KDM4C: variants seen among roughly 807,000 people sequenced by gnomAD.
KDM4C encodes lysine demethylase 4C, also known as lysine-specific demethylase 4C.
KDM4C carries 81 observed loss-of-function variants against 129.3 expected under a neutral mutation model. That is an observed-to-expected ratio of 0.63 (90% CI 0.52 to 0.75). The LOEUF is 0.75. KDM4C is among the 30% of genes least tolerant of loss of function. The pLI is 0.00. For synonymous variants in KDM4C, 573 were observed against 456.1 expected (o/e 1.26, Z -3.26); for missense variants, 1,457 against 1,304.0 (o/e 1.12, Z -1.81).
Position 6,740,450 on chromosome 9 carries a change from A to G in KDM4C, c.49+19453A>G, listed in dbSNP as rs571252047. Reference sequence around the variant, plus strand: ...GATCTCCTGACCTTGTGATCCGCCCACCTCGGCCTCCCAAAGTGCTGGGAT... The same window carrying G: ...GATCTCCTGACCTTGTGATCCGCCCGCCTCGGCCTCCCAAAGTGCTGGGAT... On this transcript the variant is annotated intron_variant, in intron 1 of 17. Coordinates refer to the KDM4C transcript ENST00000536108. Among the ~76,000 whole-genome samples, 122 of 148,478 alleles carry G rather than the reference A, an allele frequency of 8.2e-4. No individual in the cohort carries two copies. In the East Asian group the frequency reaches 0.011, roughly 13 times the overall value.
At chr9:7,160,326 A>ATTCTG (rs1656300443) in intron 19 of KDM4C, among the ~76,000 whole-genome samples, 1 of 152,106 alleles carries the variant, frequency 6.6e-6, no homozygotes, top group South Asian at 2.1e-4. Context: ...TCTGAAGCCT[A>ATTCTG]TTCTGTCAAC....
chr9:6,841,465 G>C (rs1836893225), intron 4 of KDM4C, among the ~76,000 whole-genome samples: 1 of 152,158 alleles, frequency 6.6e-6, no homozygotes, highest in South Asian at 2.1e-4. Flanking sequence ...GGTTCATATA[G>C]ACTTTTCCTC....
chr9:6,771,693 A>G (rs1044245456), intron 1 of KDM4C, among the ~76,000 whole-genome samples: 3 of 152,192 alleles, frequency 2.0e-5, no homozygotes, highest in African/African-American at 7.2e-5. Flanking sequence ...TCCTTCTGAT[A>G]GGACTAAATA....
At chr9:6,746,937 C>G (rs1301989219) in intron 1 of KDM4C, among the ~76,000 whole-genome samples, 1 of 126,284 alleles carries the variant, frequency 7.9e-6, no homozygotes, top group Non-Finnish European at 1.6e-5. Context: ...ATCCGGGAGG[C>G]GGAGCTTGCA....
At chr9:7,105,597 T>A in intron 18 of KDM4C, 1 of 390,804 alleles carries the variant, frequency 2.6e-6, no homozygotes. Flanking sequence ...TGGCAGGTGC[T>A]GGAATGTAAA....
intron 1 of KDM4C, among the ~76,000 whole-genome samples, chr9:6,773,903 G>T (rs1822439504): frequency 6.6e-6 from 1 of 151,928 alleles, no homozygotes. Context: ...CAAACCCTAG[G>T]CATTTATTTT....
intron 4 of KDM4C, among the ~76,000 whole-genome samples, chr9:6,832,134 C>G (rs62533755): frequency 6.6e-6 from 1 of 151,542 alleles, no homozygotes; most frequent in Non-Finnish European, 1.5e-5. Flanking sequence ...GTCAGGAGAT[C>G]GAGAGCATCC....
At chr9:7,046,288 G>A (rs1829379544) in intron 15 of KDM4C, among the ~76,000 whole-genome samples, 1 of 151,934 alleles carries the variant, frequency 6.6e-6, no homozygotes, top group African/African-American at 2.4e-5. Context: ...TGTTTTCTCG[G>A]GCCGGATAGC....
chr9:7,088,185 G>A (rs1355481532), intron 17 of KDM4C, among the ~76,000 whole-genome samples: 2 of 152,210 alleles, frequency 1.3e-5, no homozygotes, highest in African/African-American at 2.4e-5. Context: ...CAGGCCTGGA[G>A]GCCCTGCTTT....
intron 17 of KDM4C, among the ~76,000 whole-genome samples, chr9:7,086,813 C>T (rs371978992): frequency 2.0e-5 from 3 of 152,214 alleles, no homozygotes; most frequent in African/African-American, 7.2e-5. Context: ...TATCCCAACT[C>T]TCAAACATAC....
At chr9:6,766,396 T>A (rs1442556898) in intron 1 of KDM4C, among the ~76,000 whole-genome samples, 1 of 152,060 alleles carries the variant, frequency 6.6e-6, no homozygotes, top group Non-Finnish European at 1.5e-5. Flanking sequence ...GATTTGCTGT[T>A]TACTGGGAAG....
At chr9:6,974,856 A>G (rs1166512474) in intron 8 of KDM4C, 1 of 152,214 alleles carries the variant, frequency 6.6e-6, no homozygotes, top group Non-Finnish European at 1.5e-5. Context: ...GTTCAATTTC[A>G]TGCTGTTTTA....
intron 4 of KDM4C, among the ~76,000 whole-genome samples, chr9:6,827,540 G>C (rs1219290297): frequency 6.6e-6 from 1 of 152,218 alleles, no homozygotes; most frequent in Non-Finnish European, 1.5e-5. Flanking sequence ...CCTTCATCCA[G>C]CAGATGGTGC....
chr9:6,842,692 T>TA (rs1173612075), intron 4 of KDM4C, among the ~76,000 whole-genome samples: 3 of 151,928 alleles, frequency 2.0e-5, no homozygotes, highest in Non-Finnish European at 2.9e-5. Flanking sequence ...ATTTGTGGCT[T>TA]AAAAAAAATC....
intron 1 of KDM4C, among the ~76,000 whole-genome samples, chr9:6,727,812 G>A (rs980321605): frequency 2.0e-5 from 3 of 148,110 alleles, no homozygotes; most frequent in African/African-American, 5.0e-5. Flanking sequence ...AGATTTCAGG[G>A]TGTCTTCCAA....
intron 1 of KDM4C, among the ~76,000 whole-genome samples, chr9:6,787,522 C>T (rs889732422): frequency 6.6e-6 from 1 of 152,240 alleles, no homozygotes; most frequent in Non-Finnish European, 1.5e-5. Flanking sequence ...CGTGAGCCAC[C>T]ACGCCCAGGC....
intron 5 of KDM4C, among the ~76,000 whole-genome samples, chr9:6,867,326 T>G (rs1842198644): frequency 6.6e-6 from 1 of 152,176 alleles, no homozygotes; most frequent in South Asian, 2.1e-4. Context: ...TGCTGCATAT[T>G]TGTTTTTGGT....
chr9:6,837,299 C>T (rs760339185), intron 4 of KDM4C, among the ~76,000 whole-genome samples: 13 of 152,314 alleles, frequency 8.5e-5, no homozygotes, highest in Middle Eastern at 6.8e-3. Flanking sequence ...CTCAAGTGAT[C>T]GCCTGCCTCA....
rs568427630 is a variant in KDM4C at position 6,761,137 on chromosome 9, G to C, written c.-18+2934G>C. On this transcript the variant is annotated intron_variant, in intron 1 of 21. Transcript: ENST00000381309. Reference sequence around the variant, plus strand: ...CGATTCTCCTGCCTCAGCCAACCCAGTAGCTGGGATTACAGGCACCCACCA... The same window carrying C: ...CGATTCTCCTGCCTCAGCCAACCCACTAGCTGGGATTACAGGCACCCACCA... 2.0e-3 allele frequency among the ~76,000 whole-genome samples: 301 copies of C among 150,844 alleles called. 6 individuals are homozygous for C. The highest frequency in any genetic ancestry group is 0.02 in the Admixed American group (298 of 15,054).
Sources: allele counts gnomAD v4.1 joint callset (sites outside exome capture counted in the v4.1 genomes callset), GRCh38; gene constraint gnomAD v4.1.1; transcripts MANE v1.5; gene names NCBI Gene and HGNC (gene_info 2026-07-23, HGNC 2026-07-21).